Variants in TERT observed in about 807,000 individuals in gnomAD.
TERT encodes the protein telomerase reverse transcriptase.
TERT carries 42 observed loss-of-function variants against 104.0 expected under a neutral mutation model. That is an observed-to-expected ratio of 0.40 (90% CI 0.32 to 0.52). TERT has a LOEUF of 0.52. Ranked by LOEUF, TERT falls within the 20% of genes least tolerant of loss-of-function variation. The pLI, the probability that TERT is intolerant of heterozygous loss-of-function variation, is 0.43. For missense variants in TERT, 1,101 were observed against 1,610.3 expected, an observed-to-expected ratio of 0.68 and a Z score of 5.41; for synonymous variants, 781 against 725.6, an observed-to-expected ratio of 1.08 and a Z score of -1.23.
At position 1,294,051 on chromosome 5, in the gene TERT, C is replaced by T. The variant is rs61748181; in HGVS notation, c.835G>A (p.Ala279Thr). 43,173 of 1,592,140 alleles carry T rather than the reference C, an allele frequency of 0.027. 703 individuals are homozygous for T. Among genetic ancestry groups the T allele is most frequent in the Non-Finnish European group, 0.03 (35,244 of 1,171,484 alleles). The change falls in exon 2 of 16, where the codon GCC (alanine) becomes ACC (threonine). Residue 279 changes from alanine (A) to threonine (T), a missense_variant. By Grantham distance (58) the Ala-to-Thr change is moderately conservative. Transcript: ENST00000310581. ...CCCTCCAAAGAGGTGGCTTCTTCGG[C>T]GGGTCTGGCAGGTGACACCACACAG... Reference protein sequence around the residue: ...GFCVVSPARPAEEATSLEGAL... With the variant: ...GFCVVSPARPTEEATSLEGAL...
intron 2 of TERT, among the ~76,000 whole-genome samples, chr5:1,291,577 TGC>T: frequency 8.0e-6 from 1 of 125,614 alleles, no homozygotes; most frequent in East Asian, 2.6e-4. Flanking sequence ...TCACTCACCC[TGC>T]ACGTGACAGG....
intron 2 of TERT, among the ~76,000 whole-genome samples, chr5:1,289,801 G>A (rs1299264349): frequency 9.3e-6 from 1 of 107,104 alleles, no homozygotes; most frequent in Non-Finnish European, 1.8e-5. Flanking sequence ...CGGGGACCGC[G>A]CCTCACTCAC....
rs952350539 is a variant in TERT, at chr5:1,253,676, C to G, written c.*52G>C. On this transcript the variant is annotated 3_prime_UTR_variant, in exon 16 of 16. Transcript: ENST00000310581. ...TCCCTCCCTGGGACGTAGAGCCCGG[C>G]GTGACAGGGCTGCTGGTGTCTGCTC... 5 of 1,491,416 alleles carry G rather than the reference C, an allele frequency of 3.4e-6. No homozygotes were observed. In the African/African-American group the frequency reaches 4.1e-5, roughly 12 times the overall value. The allele number at this position is 1,491,416 out of a possible 1,614,324, so 92.4% of individuals were successfully genotyped here.
In TERT at chr5:1,287,511, A is replaced by G. The variant is rs1750570588; in HGVS notation, c.1574-4887T>C. On this transcript the variant is annotated intron_variant, in intron 2 of 15. Coordinates refer to ENST00000310581, the MANE Select transcript of TERT (RefSeq NM_198253.3). This position sits in a 1 kb window ranked among gnomAD's most constrained non-coding sequence, Gnocchi z 4.3. ...AGACTCTGTCTCAAAAAAAAAAAAT[A>G]TATATATATATATATAAATTAAAGG... is the stretch of plus-strand genomic sequence containing the variant. Among the ~76,000 whole-genome samples the G allele has an allele frequency of 1.2e-5, 1 of 80,144 alleles. No individual in the cohort carries two copies. The highest frequency in any genetic ancestry group is 2.4e-5 in the Non-Finnish European group (1 of 41,464). The allele number at this position is 80,144 out of a possible 152,430, so 52.6% of individuals were successfully genotyped here.
chr5:1,277,037 C>T (rs557013845), intron 6 of TERT, among the ~76,000 whole-genome samples: 2 of 152,340 alleles, frequency 1.3e-5, no homozygotes, highest in African/African-American at 2.4e-5. Context: ...GCGCCCCATA[C>T]AGAGCGGGGC....
chr5:1,275,385 AAAAAAAGAAAG>A (rs1402545251), intron 6 of TERT, among the ~76,000 whole-genome samples: 22 of 148,742 alleles, frequency 1.5e-4, no homozygotes, highest in African/African-American at 5.5e-4. Context: ...TCAAAAAAAA[AAAAAAAGAAAG>A]AAAAAAAGAA....
At position 1,294,042 on chromosome 5, in the gene TERT, C is replaced by T. The variant is rs1204689486; in HGVS notation, c.844G>A (p.Ala282Thr). The T allele has an allele frequency of 6.2e-7, 1 of 1,601,238 alleles. No individual in the cohort carries two copies. The highest frequency in any genetic ancestry group is 8.5e-7 in the Non-Finnish European group (1 of 1,175,408). Residue 282 changes from alanine (A) to threonine (T), a missense_variant, in exon 2 of 16, where the codon GCC becomes ACC. By Grantham distance (58) the Ala-to-Thr change is moderately conservative. Around this residue, in one of 5 missense-constraint regions of TERT, gnomAD observed 504 missense variants for 544.6 expected, o/e 0.93. Coordinates refer to ENST00000310581, the MANE Select transcript of TERT (RefSeq NM_198253.3). ...VVSPARPAEE[A>T]TSLEGALSGT... The stretch of plus-strand genomic sequence containing the variant: ...GAGAGCGCACCCTCCAAAGAGGTGG[C>T]TTCTTCGGCGGGTCTGGCAGGTGAC...
At position 1,292,211 on chromosome 5, in the gene TERT, G is replaced by C. The variant is rs898165880; in HGVS notation, c.1573+1102C>G. Reference sequence around the variant, plus strand: ...CTTACATGTCTTGGGAGTTTGTGGGGAGGGGGTGAAATCGGGACTTCTTCT... The same window carrying C: ...CTTACATGTCTTGGGAGTTTGTGGGCAGGGGGTGAAATCGGGACTTCTTCT... On this transcript the variant is annotated intron_variant, in intron 2 of 15. Coordinates refer to ENST00000310581, the MANE Select transcript of TERT (RefSeq NM_198253.3). The surrounding 1 kb of genome is among the most constrained non-coding windows in gnomAD (Gnocchi z 5.5). Among the ~76,000 whole-genome samples the C allele has an allele frequency of 3.9e-5, 6 of 152,202 alleles. No homozygotes were observed. Among genetic ancestry groups the C allele is most frequent in the African/African-American group, 1.4e-4 (6 of 41,456 alleles).
At chr5:1,285,758 T>C (rs1444656287) in intron 2 of TERT, among the ~76,000 whole-genome samples, 2 of 151,834 alleles carry the variant, frequency 1.3e-5, no homozygotes, top group South Asian at 2.1e-4. Context: ...TTAGTACAGA[T>C]GGGGTTTCAT....
Position 1,254,470 on chromosome 5 carries a change from G to C in TERT, c.3193C>G (p.Leu1065Val), listed in dbSNP as rs1747571212. Residue 1065 changes from leucine to valine, a missense_variant, in exon 15 of 16, where the codon CTG becomes GTG. Leu to Val is a conservative substitution (Grantham distance 32). Transcript: ENST00000310581. ...SLGAKGAAGP[L>V]PSEAVQWLCH... ...AGCCACTGCACGGCCTCGGAGGGCA[G>C]AGGGCCGGCGGCGCCCTTGGCCCCC... is the stretch of plus-strand genomic sequence containing the variant. 6.2e-7 allele frequency: 1 copy of C among 1,612,874 alleles called. No individual in the cohort carries two copies. The highest frequency in any genetic ancestry group is 8.5e-7 in the Non-Finnish European group (1 of 1,179,908).
rs1449708655 is a variant in TERT at position 1,262,996 on chromosome 5, G to C, written c.2843+1408C>G. On this transcript the variant is annotated intron_variant, in intron 11 of 15. Coordinates refer to ENST00000310581, the MANE Select transcript of TERT (RefSeq NM_198253.3). The surrounding 1 kb of genome is among the most constrained non-coding windows in gnomAD (Gnocchi z 5.6). ...AGGCTGTGAGAGGGAAGCAGGGACTGTGGGGAGCACAGGAGACCGGCATCC... is the reference window on the plus strand; with the variant it reads ...AGGCTGTGAGAGGGAAGCAGGGACTCTGGGGAGCACAGGAGACCGGCATCC... 6.6e-6 allele frequency among the ~76,000 whole-genome samples: 1 copy of C among 152,214 alleles called. No homozygotes were observed. Among genetic ancestry groups the C allele is most frequent in the Admixed American group, 6.5e-5 (1 of 15,286 alleles).
At chr5:1,291,478 G>A (rs1343720940) in intron 2 of TERT, among the ~76,000 whole-genome samples, 3 of 44,268 alleles carry the variant, frequency 6.8e-5, no homozygotes, top group East Asian at 7.1e-4. Context: ...CCCGGGGACG[G>A]CGCCTCACTC....
At position 1,287,932 on chromosome 5, in the gene TERT, G is replaced by A. The variant is rs983156329; in HGVS notation, c.1574-5308C>T. Among the ~76,000 whole-genome samples, 5 of 150,884 alleles carry A rather than the reference G, an allele frequency of 3.3e-5. No homozygotes were observed. Among genetic ancestry groups the A allele is most frequent in the Admixed American group, 1.3e-4 (2 of 14,990 alleles). ...ACACTAGATCACAAAGCAAGGCTCC[G>A]CAAACTTCAAATAATTGGTATTATA... On this transcript the variant is annotated intron_variant, in intron 2 of 15. Coordinates refer to ENST00000310581, the MANE Select transcript of TERT (RefSeq NM_198253.3). The surrounding 1 kb of genome is among the most constrained non-coding windows in gnomAD (Gnocchi z 4.3).
Position 1,292,449 on chromosome 5 carries a change from C to T in TERT, c.1573+864G>A, listed in dbSNP as rs986813769. 1.3e-5 allele frequency among the ~76,000 whole-genome samples: 2 copies of T among 152,268 alleles called. No homozygotes were observed. Among genetic ancestry groups the T allele is most frequent in the East Asian group, 3.9e-4 (2 of 5,174 alleles). On this transcript the variant is annotated intron_variant, in intron 2 of 15. Coordinates refer to ENST00000310581, the MANE Select transcript of TERT (RefSeq NM_198253.3). This position sits in a 1 kb window ranked among gnomAD's most constrained non-coding sequence, Gnocchi z 5.5. The stretch of plus-strand genomic sequence containing the variant: ...GCCCTCTTCATACCTAAAGATGGGA[C>T]CAGGATCTGTGCTGGAGAACAGTCT...
At position 1,279,789 on chromosome 5, in the gene TERT, C is replaced by T. The variant is rs35045715; in HGVS notation, c.1951-319G>A. 1.3e-3 allele frequency among the ~76,000 whole-genome samples: 201 copies of T among 152,302 alleles called. 3 individuals are homozygous for T. The highest frequency in any genetic ancestry group is 0.011 in the Admixed American group (170 of 15,302). ...GGCAAGGTCCAGGATCCTCAGAGCC[C>T]GGTGGGCTCCTGGCAGTCGTGGCCT... is the stretch of plus-strand genomic sequence containing the variant. On this transcript the variant is annotated intron_variant, in intron 4 of 15. Coordinates refer to ENST00000310581, the MANE Select transcript of TERT (RefSeq NM_198253.3).
chr5:1,266,326 C>G, intron 10 of TERT, 138 bp downstream of exon 10: 4 of 867,736 alleles, frequency 4.6e-6, no homozygotes, highest in Non-Finnish European at 7.5e-6. Flanking sequence ...AGCGCCTCTG[C>G]TCTTGCGGAT....
intron 6 of TERT, among the ~76,000 whole-genome samples, chr5:1,275,450 C>A (rs1268664818): frequency 6.6e-6 from 1 of 151,820 alleles, no homozygotes; most frequent in Admixed American, 6.6e-5. Flanking sequence ...AAGGACGGAG[C>A]GTAGCCAGGG....
intron 2 of TERT, among the ~76,000 whole-genome samples, chr5:1,291,586 C>G (rs1579593977): frequency 8.2e-6 from 1 of 122,396 alleles, no homozygotes; most frequent in African/African-American, 3.0e-5. Context: ...CTGCACGTGA[C>G]AGGGACACCC....
At chr5:1,264,832 C>T (rs1437964815) in intron 10 of TERT, among the ~76,000 whole-genome samples, 2 of 152,162 alleles carry the variant, frequency 1.3e-5, no homozygotes, top group Non-Finnish European at 2.9e-5. Context: ...GGACCCGGGA[C>T]AGCCAGGACT....
Sources: gnomAD v4.1 joint callset for allele counts (sites outside exome capture counted in the v4.1 genomes callset) on GRCh38, gnomAD v4.1.1 for gene constraint, gnomAD v4.1.1 regional missense constraint, Gnocchi (gnomAD v3.1) non-coding constraint, MANE v1.5 for transcripts, NCBI Gene and HGNC (gene_info 2026-07-23, HGNC 2026-07-21) for gene names.